Variants in RHPN2 observed in about 807,000 individuals in gnomAD.
RHPN2 encodes rhophilin-2.
In RHPN2, 40 loss-of-function variants were observed where a neutral mutation model predicts 79.0. That is an observed-to-expected ratio of 0.51 (90% confidence interval 0.39 to 0.66). The LOEUF is 0.66. RHPN2 is among the 30% of genes least tolerant of loss of function. The pLI is 0.00. For synonymous variants in RHPN2, 285 were observed against 363.5 expected (o/e 0.78, Z 2.46); for missense variants, 686 against 883.5 (o/e 0.78, Z 2.83).
intron 2 of RHPN2, among the ~76,000 whole-genome samples, chr19:33,042,742 G>A (rs1411102505): frequency 1.3e-5 from 2 of 151,828 alleles, no homozygotes; most frequent in East Asian, 3.9e-4. Flanking sequence ...GAACAACCTG[G>A]GCAACACAGC....
intron 2 of RHPN2, among the ~76,000 whole-genome samples, chr19:33,043,078 CA>C (rs572111653): frequency 1.1e-3 from 151 of 135,692 alleles, no homozygotes; most frequent in Non-Finnish European, 1.2e-3. Context: ...GACTCCGTCT[CA>C]AAAAAAAAAA....
At chr19:33,064,742 TG>T in intron 1 of RHPN2, 41 bp downstream of exon 1, 3 of 1,510,826 alleles carry the variant, frequency 2.0e-6, no homozygotes, top group Non-Finnish European at 2.7e-6. Context: ...AAAGGAGGTC[TG>T]GAGCCCGCAG....
chr19:33,053,802 G>C (rs1026300961), intron 1 of RHPN2, among the ~76,000 whole-genome samples: 8 of 151,178 alleles, frequency 5.3e-5, no homozygotes, highest in Non-Finnish European at 1.0e-4. Flanking sequence ...TAAGACCTCA[G>C]GTGATCCACC....
intron 7 of RHPN2, among the ~76,000 whole-genome samples, chr19:33,005,412 C>CAAAAAAAAAAAAAA (rs766044835): frequency 1.6e-5 from 1 of 62,726 alleles, no homozygotes; most frequent in African/African-American, 6.6e-5. Context: ...GATTCTGTCT[C>CAAAAAAAAAAAAAA]AAAAAAAAAA....
At chr19:32,983,957 T>C (rs1474836800) in intron 14 of RHPN2, among the ~76,000 whole-genome samples, 1 of 152,058 alleles carries the variant, frequency 6.6e-6, no homozygotes, top group Non-Finnish European at 1.5e-5. Context: ...CACCACCCAT[T>C]CCTCACTCAA....
At chr19:32,999,792 CT>C (rs1370496419) in intron 9 of RHPN2, 87 bp from the exon 10 acceptor site, 18 of 1,542,256 alleles carry the variant, frequency 1.2e-5, no homozygotes, top group Non-Finnish European at 1.6e-5. Flanking sequence ...CTCCAGCTTC[CT>C]TTTTTCTGCA....
rs1487872202 is a variant in RHPN2, at chr19:33,064,543, G to T, written c.69+241C>A. 2.7e-3 allele frequency among the ~76,000 whole-genome samples: 404 copies of T among 152,220 alleles called. 1 individual carries two copies. The highest frequency in any genetic ancestry group is 9.2e-3 in the African/African-American group (381 of 41,552). ...TCCTCCGCCCGCACCTGCGCGGAGC[G>T]GCCACATGCGCCTCCCCTACTCCCC... On this transcript the variant is annotated intron_variant, in intron 1 of 14. Coordinates refer to ENST00000254260, the MANE Select transcript of RHPN2 (RefSeq NM_033103.5).
In RHPN2 at chr19:33,051,853, T is replaced by A. The variant is rs1410469903; in HGVS notation, c.70-7489A>T. Reference sequence around the variant, plus strand: ...CTGGCCAACATGGTGCAACCCTGTCTCAAGCAAAAAATACAAAACTTAGCC... The same window carrying A: ...CTGGCCAACATGGTGCAACCCTGTCACAAGCAAAAAATACAAAACTTAGCC... On this transcript the variant is annotated intron_variant, in intron 1 of 14. Transcript: ENST00000254260. Among the ~76,000 whole-genome samples, 6 of 144,132 alleles carry A rather than the reference T, an allele frequency of 4.2e-5. No individual in the cohort carries two copies. In the South Asian group the frequency reaches 1.4e-3, roughly 33 times the overall value. 94.6% of individuals were successfully genotyped at this position (144,132 alleles called of 152,430 possible). A position where few individuals can be genotyped will look rare whatever the true frequency, so the allele number is the denominator to read the frequency against.
At chr19:33,042,161 C>A (rs1279680294) in intron 2 of RHPN2, among the ~76,000 whole-genome samples, 1 of 149,350 alleles carries the variant, frequency 6.7e-6, no homozygotes, top group Non-Finnish European at 1.5e-5. Context: ...TGCATTCCAG[C>A]CTGGGCAACA....
intron 4 of RHPN2, among the ~76,000 whole-genome samples, chr19:33,013,020 C>T (rs548235293): frequency 4.0e-5 from 6 of 151,596 alleles, no homozygotes; most frequent in Admixed American, 1.3e-4. Flanking sequence ...GGATTACAGG[C>T]GCCCACCACA....
At chr19:33,047,853 G>A (rs781676576) in intron 1 of RHPN2, among the ~76,000 whole-genome samples, 7 of 152,018 alleles carry the variant, frequency 4.6e-5, no homozygotes, top group East Asian at 1.9e-4. Context: ...TTGAGGCTGC[G>A]GTGAGCTACA....
At chr19:33,005,972 C>A (rs1403282424) in intron 7 of RHPN2, among the ~76,000 whole-genome samples, 1 of 152,086 alleles carries the variant, frequency 6.6e-6, no homozygotes, top group Admixed American at 6.6e-5. Flanking sequence ...TGGCTTACCA[C>A]AACCTCGGCT....
chr19:32,981,047 G>A (rs959760297), intron 14 of RHPN2, among the ~76,000 whole-genome samples: 2 of 151,806 alleles, frequency 1.3e-5, no homozygotes, highest in East Asian at 1.9e-4. Context: ...ACCCCTTCTC[G>A]ATCTCCTGAC....
At chr19:33,053,244 C>T (rs1972203943) in intron 1 of RHPN2, among the ~76,000 whole-genome samples, 1 of 151,992 alleles carries the variant, frequency 6.6e-6, no homozygotes, top group Non-Finnish European at 1.5e-5. Context: ...CCACCTCAGC[C>T]TCCCAAAGTG....
At chr19:32,990,300 G>A (rs1399732146) in intron 14 of RHPN2, among the ~76,000 whole-genome samples, 8 of 152,236 alleles carry the variant, frequency 5.3e-5, no homozygotes, top group African/African-American at 1.9e-4. Context: ...CTGGGCAATA[G>A]GGCAAGACGC....
chr19:33,002,777 C>G lies in RHPN2; in HGVS notation c.948+36G>C, dbSNP rs368964050. On this transcript the variant is annotated intron_variant, in intron 8 of 14. Coordinates refer to ENST00000254260, the MANE Select transcript of RHPN2 (RefSeq NM_033103.5). ...GTGCTCCTGTGCCAGCATCTCCTGC[C>G]CACTCCCCAAAGTCACAGGAACCAG... The G allele has an allele frequency of 1.7e-5, 28 of 1,609,124 alleles. No individual in the cohort carries two copies. The African/African-American group carries it at 3.5e-4, about 20-fold the overall frequency.
At position 32,996,676 on chromosome 19, in the gene RHPN2, T is replaced by A. The variant is rs544755904; in HGVS notation, c.1226-456A>T. ...TACTTTTTTTTAACTTTTTGCCTATTCTGCTTCTGTAAAATTGCTTCAGTT... is the reference window on the plus strand; with the variant it reads ...TACTTTTTTTTAACTTTTTGCCTATACTGCTTCTGTAAAATTGCTTCAGTT... On this transcript the variant is annotated intron_variant, in intron 10 of 14. Coordinates refer to ENST00000254260, the MANE Select transcript of RHPN2 (RefSeq NM_033103.5). 9.9e-5 allele frequency among the ~76,000 whole-genome samples: 15 copies of A among 152,186 alleles called. No individual in the cohort carries two copies. In the East Asian group the frequency reaches 2.7e-3, roughly 27 times the overall value.
At chr19:33,011,850 C>CTGA in intron 5 of RHPN2, 47 bp from the exon 6 acceptor site, 1 of 1,613,510 alleles carries the variant, frequency 6.2e-7, no homozygotes, top group Non-Finnish European at 8.5e-7. Context: ...GAGGACACAG[C>CTGA]TGATGGCCCT....
At chr19:32,994,933 G>C (rs1971688823) in intron 11 of RHPN2, among the ~76,000 whole-genome samples, 1 of 152,038 alleles carries the variant, frequency 6.6e-6, no homozygotes, top group Non-Finnish European at 1.5e-5. Flanking sequence ...GCCTGGGTGA[G>C]ACAAGAGCGA....
Sources: allele counts gnomAD v4.1 joint callset (sites outside exome capture counted in the v4.1 genomes callset), GRCh38; gene constraint gnomAD v4.1.1; transcripts MANE v1.5; gene names NCBI Gene and HGNC (gene_info 2026-07-23, HGNC 2026-07-21).